DNAH10: variants seen among roughly 807,000 people sequenced by gnomAD.
DNAH10 encodes dynein axonemal heavy chain 10.
DNAH10 carries 348 observed loss-of-function variants against 506.6 expected under a neutral mutation model. The ratio of observed to expected loss-of-function variants is 0.69; its 90% CI spans 0.63 to 0.75. DNAH10 has a LOEUF of 0.75. Among genes scored for constraint, DNAH10 ranks in the 30% least tolerant of loss-of-function variants. DNAH10 has a pLI of 0.00. For synonymous variants in DNAH10, 2,059 were observed against 2,198.6 expected, an observed-to-expected ratio of 0.94 and a Z score of 1.78; for missense variants, 5,179 against 5,787.1, an observed-to-expected ratio of 0.89 and a Z score of 3.41.
At chr12:123,842,083 A>G (rs2136623971) in intron 30 of DNAH10, among the ~76,000 whole-genome samples, 1 of 152,316 alleles carries the variant, frequency 6.6e-6, no homozygotes, top group East Asian at 1.9e-4. Context: ...TGGTGGCAGC[A>G]CAGGGCCCCT....
At chr12:123,809,869 G>C (rs925563145) in intron 19 of DNAH10, among the ~76,000 whole-genome samples, 27 of 152,168 alleles carry the variant, frequency 1.8e-4, no homozygotes, top group African/African-American at 6.5e-4. Context: ...CTGCCTGGTT[G>C]TGCCTCCAGC....
rs1953946199 is a variant in DNAH10, at chr12:123,909,100, C to T, written c.9816-161C>T. On this transcript the variant is annotated intron_variant, in intron 57 of 78. Coordinates refer to ENST00000673944, the MANE Select transcript of DNAH10 (RefSeq NM_001372106.1). This position sits in a 1 kb window ranked among gnomAD's most constrained non-coding sequence, Gnocchi z 5.4. The stretch of plus-strand genomic sequence containing the variant: ...CCCTGCCCTTAGGGACGCTCCCGCC[C>T]AGGAGTGCGGTTTGTGTTGGGACCT... Among the ~76,000 whole-genome samples, 1 of 152,196 alleles carries T rather than the reference C, an allele frequency of 6.6e-6. No homozygotes were observed. Among genetic ancestry groups the T allele is most frequent in the Admixed American group, 6.5e-5 (1 of 15,282 alleles).
chr12:123,841,590 G>A (rs765814754), intron 30 of DNAH10, 45 bp downstream of exon 30: 2 of 1,551,886 alleles, frequency 1.3e-6, no homozygotes, highest in Admixed American at 1.8e-5. Context: ...CCAATTCATA[G>A]TCATAATGGA....
chr12:123,908,458 C>T (rs1953912541), intron 57 of DNAH10: 1 of 456,280 alleles, frequency 2.2e-6, no homozygotes, highest in Non-Finnish European at 4.4e-6. Context: ...TCCTGCTTTG[C>T]CTTGTCTGTG....
In DNAH10 at chr12:123,928,965, T is replaced by G; in HGVS notation, c.12307-310T>G. The G allele has an allele frequency of 2.1e-6, 1 of 485,506 alleles. No individual in the cohort carries two copies. 30.1% of individuals were successfully genotyped at this position (485,506 alleles called of 1,614,324 possible). ...CTCCGGGAAATTCTTTTGGAAAGGTTTTGTCATTCTCTGTCTCTCTCTCTC... is the reference window on the plus strand; with the variant it reads ...CTCCGGGAAATTCTTTTGGAAAGGTGTTGTCATTCTCTGTCTCTCTCTCTC... On this transcript the variant is annotated intron_variant, in intron 70 of 78. Coordinates refer to ENST00000673944, the MANE Select transcript of DNAH10 (RefSeq NM_001372106.1). The surrounding 1 kb of genome is among the most constrained non-coding windows in gnomAD (Gnocchi z 4.9).
chr12:123,906,875 A>C (rs1953807581), intron 57 of DNAH10, among the ~76,000 whole-genome samples: 1 of 152,228 alleles, frequency 6.6e-6, no homozygotes, highest in African/African-American at 2.4e-5. Context: ...GAAATCATTA[A>C]ATGTTAAGGC....
At chr12:123,873,984 T>G (rs78800930) in intron 46 of DNAH10, among the ~76,000 whole-genome samples, 3,010 of 152,190 alleles carry the variant, frequency 0.02, 98 homozygotes, top group African/African-American at 0.068. Context: ...TCAGCATGTA[T>G]TTGAGGAAGT....
At chr12:123,778,999 A>G (rs1012925293) in intron 5 of DNAH10, among the ~76,000 whole-genome samples, 2 of 151,672 alleles carry the variant, frequency 1.3e-5, no homozygotes, top group Non-Finnish European at 2.9e-5. Context: ...TCCCGGGTTC[A>G]TGCCATTCTC....
At chr12:123,867,085 C>A (rs1418028906) in intron 41 of DNAH10, among the ~76,000 whole-genome samples, 1 of 152,188 alleles carries the variant, frequency 6.6e-6, no homozygotes, top group Admixed American at 6.5e-5. Flanking sequence ...CCCTTGCAAT[C>A]CCTGGTGGTG....
At position 123,931,525 on chromosome 12, in the gene DNAH10, T is replaced by C. The variant is rs140381000; in HGVS notation, c.12916+53T>C. 7.0e-5 allele frequency: 112 copies of C among 1,607,514 alleles called. 1 individual carries two copies. The East Asian group carries it at 2.5e-3, about 36-fold the overall frequency. ...AGTTTGATTGGGGTTTTACGATTGC[T>C]TCTTGTAGCCCTCCCACGTTGCTGA... is the stretch of plus-strand genomic sequence containing the variant. On this transcript the variant is annotated intron_variant, in intron 74 of 78. Transcript: ENST00000673944.
At position 123,926,783 on chromosome 12, in the gene DNAH10, G is replaced by A. The variant is rs757790191; in HGVS notation, c.12068G>A (p.Arg4023His). The A allele has an allele frequency of 2.3e-5, 37 of 1,613,758 alleles. No individual in the cohort carries two copies. The highest frequency in any genetic ancestry group is 2.9e-5 in the Non-Finnish European group (34 of 1,179,882). The change falls in exon 69 of 79, where the codon CGC becomes CAC. Residue 4023 changes from arginine (R) to histidine (H), a missense_variant. Physicochemically the swap from Arg to His is conservative, Grantham distance 29. Transcript: ENST00000673944. The surrounding 1 kb of genome is among the most constrained non-coding windows in gnomAD (Gnocchi z 4.1). ...LAERSGFGGNRLKFLAMGQGQ... is the reference protein window; with the variant it reads ...LAERSGFGGNHLKFLAMGQGQ... Reference sequence around the variant, plus strand: ...GAGCGAAGTGGTTTTGGAGGAAATCGCCTCAAATTCCTTGCAATGGGTCAA... The same window carrying A: ...GAGCGAAGTGGTTTTGGAGGAAATCACCTCAAATTCCTTGCAATGGGTCAA...
At position 123,916,571 on chromosome 12, in the gene DNAH10, G is replaced by A. The variant is rs368127862; in HGVS notation, c.10837G>A (p.Val3613Ile). ...ATACATCGATCCTGTGATTGACAAC[G>A]TCTTAGAAAAAAATATAAAAGTCTC... ...DEYIDPVIDN[V>I]LEKNIKVSQG... Residue 3613 changes from valine (V) to isoleucine (I), a missense_variant, in exon 63 of 79, where the codon GTC (valine) becomes ATC (isoleucine). Coordinates refer to ENST00000673944, the MANE Select transcript of DNAH10 (RefSeq NM_001372106.1). This position sits in a 1 kb window ranked among gnomAD's most constrained non-coding sequence, Gnocchi z 4.6. 5.1e-5 allele frequency: 83 copies of A among 1,613,658 alleles called. No homozygotes were observed. The highest frequency in any genetic ancestry group is 2.0e-4 in the African/African-American group (15 of 74,866).
At chr12:123,922,145 C>CG (rs1954757998) in intron 65 of DNAH10, among the ~76,000 whole-genome samples, 1 of 151,968 alleles carries the variant, frequency 6.6e-6, no homozygotes, top group Non-Finnish European at 1.5e-5. Flanking sequence ...GCCGCCAGGG[C>CG]GGGCGGATCA....
intron 50 of DNAH10, 29 bp downstream of exon 50, chr12:123,879,830 G>A (rs758805681): frequency 3.9e-5 from 63 of 1,605,230 alleles, no homozygotes; most frequent in Non-Finnish European, 5.4e-5. Flanking sequence ...CTGTCCATGG[G>A]CTCACTTTCT....
chr12:123,803,473 T>C (rs1958546392), intron 16 of DNAH10, among the ~76,000 whole-genome samples, 188 bp from the exon 17 acceptor site: 1 of 152,182 alleles, frequency 6.6e-6, no homozygotes, highest in Non-Finnish European at 1.5e-5. Context: ...GATTCTGGGC[T>C]CAGGACTCCT....
intron 30 of DNAH10, among the ~76,000 whole-genome samples, chr12:123,844,773 G>C (rs1184697276): frequency 6.6e-6 from 1 of 152,036 alleles, no homozygotes; most frequent in Non-Finnish European, 1.5e-5. Flanking sequence ...TGAATAGCTG[G>C]GACCACAGGC....
In DNAH10 at chr12:123,802,374, C is replaced by G. The variant is rs575759611; in HGVS notation, c.2614+942C>G. 2.6e-5 allele frequency among the ~76,000 whole-genome samples: 4 copies of G among 152,270 alleles called. No individual in the cohort carries two copies. The East Asian group carries it at 7.7e-4, about 29-fold the overall frequency. On this transcript the variant is annotated intron_variant, in intron 16 of 78. Transcript: ENST00000673944. ...AGGCTGGAGTGCAGTGGGGCAATCT[C>G]AGCTCACTGCAATCTCCACCTCCTG...
Position 123,909,235 on chromosome 12 carries a change from A to C in DNAH10, c.9816-26A>C. ...ATCCTGGCCACATCCCGGGGTTGTG[A>C]CCCACGTGCCTTGGTTTCTTGCCAG... On this transcript the variant is annotated intron_variant, in intron 57 of 78. Coordinates refer to ENST00000673944, the MANE Select transcript of DNAH10 (RefSeq NM_001372106.1). This position sits in a 1 kb window ranked among gnomAD's most constrained non-coding sequence, Gnocchi z 5.4. 6.2e-7 allele frequency: 1 copy of C among 1,607,966 alleles called. No homozygotes were observed. Among genetic ancestry groups the C allele is most frequent in the Non-Finnish European group, 8.5e-7 (1 of 1,177,754 alleles).
rs748600146 is a variant in DNAH10 at position 123,914,765 on chromosome 12, T to C, written c.10575-87T>C. The C allele has an allele frequency of 3.5e-4, 524 of 1,512,670 alleles. 2 individuals carry two copies. Among genetic ancestry groups the C allele is most frequent in the Non-Finnish European group, 4.3e-4 (489 of 1,127,594 alleles). The allele number at this position is 1,512,670 out of a possible 1,614,324, so 93.7% of individuals were successfully genotyped here. On this transcript the variant is annotated intron_variant, in intron 61 of 78. Transcript: ENST00000673944. ...TTGTGTGGCCTGGGGATGGGTAGATTGTTCTGGAAGGCCAGTCCTACCACC... is the reference window on the plus strand; with the variant it reads ...TTGTGTGGCCTGGGGATGGGTAGATCGTTCTGGAAGGCCAGTCCTACCACC...
Sources: allele counts gnomAD v4.1 joint callset (sites outside exome capture counted in the v4.1 genomes callset), GRCh38; gene constraint gnomAD v4.1.1; non-coding constraint Gnocchi (gnomAD v3.1); transcripts MANE v1.5; gene names NCBI Gene and HGNC (gene_info 2026-07-23, HGNC 2026-07-21).